ACTL9: variants seen among roughly 807,000 people sequenced by gnomAD.
The protein encoded by ACTL9 is actin like 9, also known as actin-like protein 9.
Under a neutral mutation model 0.9 loss-of-function variants are expected in ACTL9, and 1 was observed. That is an observed-to-expected ratio of 1.10 (90% CI 0.39 to 5.23). The LOEUF (loss-of-function observed/expected upper bound fraction) is 5.23, where lower values mean the gene tolerates loss of function less well. Among genes scored for constraint, ACTL9 ranks in the 30% most tolerant of loss-of-function variants. The pLI is 0.16. For missense variants in ACTL9, 597 were observed against 566.8 expected (o/e 1.05, Z -0.54); for synonymous variants, 283 against 269.5 (o/e 1.05, Z -0.49).
Position 8,698,675 on chromosome 19 carries a change from C to CG in ACTL9, c.26dup (p.Glu10GlyfsTer46), listed in dbSNP as rs2043214115. On this transcript the variant is annotated frameshift_variant, in exon 1 of 1. Coordinates refer to ENST00000324436, the MANE Select transcript of ACTL9 (RefSeq NM_178525.5). LOFTEE classifies it low-confidence loss of function (END_TRUNC). ...GGGCCTCCAGGGAGGACTGGGATTC[C>CG]GAGGACTTGGGGCGACTTGCATCCA... 6.5e-7 allele frequency: 1 copy of CG among 1,537,376 alleles called. No homozygotes were observed.
rs782649981 is a variant in ACTL9, at chr19:8,697,998, A to G, written c.704T>C (p.Met235Thr). ...CAGGGGCAGGCCGGCCTGGAGCAGC[A>G]TCTCCGCCAGGAAGGCGGTCAGGTT... The part of the protein sequence containing the change: ...GNNLTAFLAE[M>T]LLQAGLPLGQ... Residue 235 changes from methionine to threonine, a missense_variant, in exon 1 of 1, where the codon ATG becomes ACG. Transcript: ENST00000324436. This position sits in a 1 kb window ranked among gnomAD's most constrained non-coding sequence, Gnocchi z 4.3. 6.2e-7 allele frequency: 1 copy of G among 1,605,296 alleles called. No individual in the cohort carries two copies. Among genetic ancestry groups the G allele is most frequent in the South Asian group, 1.1e-5 (1 of 91,064 alleles).
chr19:8,697,761 C>T lies in ACTL9; in HGVS notation c.941G>A (p.Gly314Asp), dbSNP rs34643842. Residue 314 changes from glycine (G) to aspartate (D), a missense_variant, in exon 1 of 1, where the codon GGC becomes GAC. Coordinates refer to ENST00000324436, the MANE Select transcript of ACTL9 (RefSeq NM_178525.5). The surrounding 1 kb of genome is among the most constrained non-coding windows in gnomAD (Gnocchi z 4.3). The part of the protein sequence containing the change: ...PPEVPGLSPV[G>D]LSTMAKQSLR... ...ACTCTGCTTGGCCATGGTGGAGAGG[C>T]CGACGGGTGACAGCCCCGGGACCTC... 3.5e-5 allele frequency: 57 copies of T among 1,613,102 alleles called. No individual in the cohort carries two copies. In the African/African-American group the frequency reaches 7.5e-4, roughly 21 times the overall value.
In ACTL9 at chr19:8,697,948, C is replaced by T. The variant is rs781854741; in HGVS notation, c.754G>A (p.Glu252Lys). Residue 252 changes from glutamate to lysine, a missense_variant, in exon 1 of 1, where the codon GAG becomes AAG. Glu to Lys is a moderately conservative substitution (Grantham distance 56, BLOSUM62 1). Transcript: ENST00000324436. This position sits in a 1 kb window ranked among gnomAD's most constrained non-coding sequence, Gnocchi z 4.3. Reference protein sequence around the residue: ...PLGQQDLDLVENIKHHYCYVA... With the variant: ...PLGQQDLDLVKNIKHHYCYVA... ...TAGCAATAGTGGTGCTTAATGTTCT[C>T]CACTAGGTCCAGGTCCTGCTGTCCC... 1.9e-6 allele frequency: 3 copies of T among 1,613,162 alleles called. No homozygotes were observed. Among genetic ancestry groups the T allele is most frequent in the Admixed American group, 3.3e-5 (2 of 60,020 alleles).
chr19:8,698,481 G>C lies in ACTL9; in HGVS notation c.221C>G (p.Thr74Ser), dbSNP rs1555753494. Reference protein sequence around the residue: ...GFAGQASPTYTVATILGCQPK... With the variant: ...GFAGQASPTYSVATILGCQPK... The stretch of plus-strand genomic sequence containing the variant: ...CTGGCAGCCCAGGATGGTGGCCACG[G>C]TGTAGGTGGGGCTGGCCTGCCCAGC... The change falls in exon 1 of 1, where the codon ACC becomes AGC. Residue 74 changes from threonine (T) to serine (S), a missense_variant. Transcript: ENST00000324436. The C allele has an allele frequency of 6.4e-7, 1 of 1,565,154 alleles. No homozygotes were observed.
chr19:8,697,552 C>T lies in ACTL9; in HGVS notation c.1150G>A (p.Gly384Ser), dbSNP rs890195620. Residue 384 changes from glycine to serine, a missense_variant, in exon 1 of 1, where the codon GGC becomes AGC. Gly to Ser is a moderately conservative substitution (Grantham distance 56). Transcript: ENST00000324436. This position sits in a 1 kb window ranked among gnomAD's most constrained non-coding sequence, Gnocchi z 4.3. ...GCGCGCAGGGAGGCCAGGATGGAGC[C>T]CCCGATCCATACGGAGAAATTCCTG... ...PTRNFSVWIGGSILASLRAFQ... is the reference protein window; with the variant it reads ...PTRNFSVWIGSSILASLRAFQ... 7 of 1,613,636 alleles carry T rather than the reference C, an allele frequency of 4.3e-6. No homozygotes were observed. In the South Asian group the frequency reaches 6.6e-5, roughly 15 times the overall value.
At position 8,697,401 on chromosome 19, in the gene ACTL9, G is replaced by T. The variant is rs782638552; in HGVS notation, c.*50C>A. 1 of 1,527,502 alleles carries T rather than the reference G, an allele frequency of 6.5e-7. No individual in the cohort carries two copies. The highest frequency in any genetic ancestry group is 2.2e-5 in the Admixed American group (1 of 46,386). 94.6% of individuals were successfully genotyped at this position (1,527,502 alleles called of 1,614,324 possible). A position where few individuals can be genotyped will look rare whatever the true frequency, so the allele number is the denominator to read the frequency against. On this transcript the variant is annotated 3_prime_UTR_variant, in exon 1 of 1. Transcript: ENST00000324436. This position sits in a 1 kb window ranked among gnomAD's most constrained non-coding sequence, Gnocchi z 4.3. ...CTGGAGGAAGGACAGGACAGAGCCG[G>T]CTGTAGCAGAGGCTTTACTGCCCCC... is the stretch of plus-strand genomic sequence containing the variant.
Position 8,698,271 on chromosome 19 carries a change from T to C in ACTL9, c.431A>G (p.His144Arg), listed in dbSNP as rs782527436. 2.6e-6 allele frequency: 4 copies of C among 1,547,002 alleles called. No homozygotes were observed. The Admixed American group carries it at 7.4e-5, about 29-fold the overall frequency. ...GGGTGGGTCGGAGAACAGCAGCGGGTGGTCGTGGGTGGCCACTCGGAGGTC... is the reference window on the plus strand; with the variant it reads ...GGGTGGGTCGGAGAACAGCAGCGGGCGGTCGTGGGTGGCCACTCGGAGGTC... ...EHDLRVATHD[H>R]PLLFSDPPFS... The change falls in exon 1 of 1, where the codon CAC becomes CGC. Residue 144 changes from histidine to arginine, a missense_variant. His to Arg is a conservative substitution (Grantham distance 29). Transcript: ENST00000324436.
In ACTL9 at chr19:8,698,778, TG is replaced by T; in HGVS notation, c.-78del. ...GGAGAAGAGGTTGAGGCCCGGCCAG[TG>T]GGGAGGGCAGGCAGACAGGGGGAGG... On this transcript the variant is annotated 5_prime_UTR_variant, in exon 1 of 1. Transcript: ENST00000324436. 8.6e-7 allele frequency: 1 copy of T among 1,162,178 alleles called. No homozygotes were observed. 72.0% of individuals were successfully genotyped at this position (1,162,178 alleles called of 1,614,324 possible). A position where few individuals can be genotyped will look rare whatever the true frequency, so the allele number is the denominator to read the frequency against.
At position 8,697,565 on chromosome 19, in the gene ACTL9, G is replaced by A. The variant is rs548848075; in HGVS notation, c.1137C>T (p.Ser379=). 6.2e-7 allele frequency: 1 copy of A among 1,613,784 alleles called. No individual in the cohort carries two copies. The highest frequency in any genetic ancestry group is 2.2e-5 in the East Asian group (1 of 44,876). ...CCAGGATGGAGCCCCCGATCCATACGGAGAAATTCCTGGTGGGCTGGGCAG... is the reference window on the plus strand; with the variant it reads ...CCAGGATGGAGCCCCCGATCCATACAGAGAAATTCCTGGTGGGCTGGGCAG... ...VVAAQPTRNF[S]VWIGGSILAS... Residue 379 remains serine (S), a synonymous_variant, in exon 1 of 1, where the codon TCC becomes TCT. Coordinates refer to ENST00000324436, the MANE Select transcript of ACTL9 (RefSeq NM_178525.5). This position sits in a 1 kb window ranked among gnomAD's most constrained non-coding sequence, Gnocchi z 4.3.
In ACTL9 at chr19:8,698,693, T is replaced by C. The variant is rs1280978911; in HGVS notation, c.9A>G (p.Ala3=). The change falls in exon 1 of 1, where the codon GCA becomes GCG. Residue 3 remains alanine (A), a synonymous_variant. Coordinates refer to ENST00000324436, the MANE Select transcript of ACTL9 (RefSeq NM_178525.5). ...GGGATTCCGAGGACTTGGGGCGACTTGCATCCATGGTTGCGGGACGCCAGG... is the reference window on the plus strand; with the variant it reads ...GGGATTCCGAGGACTTGGGGCGACTCGCATCCATGGTTGCGGGACGCCAGG... MD[A]SRPKSSESQS... is the part of the protein sequence containing the mutation. 17 of 1,498,934 alleles carry C rather than the reference T, an allele frequency of 1.1e-5. No homozygotes were observed. The highest frequency in any genetic ancestry group is 1.4e-5 in the Non-Finnish European group (16 of 1,116,824). 92.9% of individuals were successfully genotyped at this position (1,498,934 alleles called of 1,614,324 possible). A position where few individuals can be genotyped will look rare whatever the true frequency, so the allele number is the denominator to read the frequency against.
chr19:8,698,455 G>T lies in ACTL9; in HGVS notation c.247C>A (p.Pro83Thr). ...TGCCCCGAGGTGGCGGGTTTCTTGG[G>T]CTGGCAGCCCAGGATGGTGGCCACG... ...YTVATILGCQ[P>T]KKPATSGQSG... Residue 83 changes from proline (P) to threonine (T), a missense_variant, in exon 1 of 1, where the codon CCC becomes ACC. Coordinates refer to ENST00000324436, the MANE Select transcript of ACTL9 (RefSeq NM_178525.5). The T allele has an allele frequency of 6.5e-7, 1 of 1,529,300 alleles. No homozygotes were observed. The highest frequency in any genetic ancestry group is 8.8e-7 in the Non-Finnish European group (1 of 1,136,824). 94.7% of individuals were successfully genotyped at this position (1,529,300 alleles called of 1,614,324 possible).
rs145866841 is a variant in ACTL9 at position 8,698,215 on chromosome 19, C to A, written c.487G>T (p.Val163Leu). ...CGCAGCGACTCGAAGGCCACCTCCA[C>A]TAGCTTCTCGCGGTTGGTGGCCGGG... The part of the protein sequence containing the change: ...FSPATNREKL[V>L]EVAFESLRSP... Residue 163 changes from valine (V) to leucine (L), a missense_variant, in exon 1 of 1, where the codon GTG (valine) becomes TTG (leucine). Val to Leu is a conservative substitution (Grantham distance 32, BLOSUM62 1). Transcript: ENST00000324436. The A allele has an allele frequency of 1.9e-6, 3 of 1,598,790 alleles. No homozygotes were observed. In the African/African-American group the frequency reaches 4.0e-5, roughly 21 times the overall value.
Position 8,698,378 on chromosome 19 carries a change from C to G in ACTL9, c.324G>C (p.Leu108=). 1.3e-6 allele frequency: 2 copies of G among 1,515,846 alleles called. No homozygotes were observed. Among genetic ancestry groups the G allele is most frequent in the Non-Finnish European group, 1.8e-6 (2 of 1,131,122 alleles). 93.9% of individuals were successfully genotyped at this position (1,515,846 alleles called of 1,614,324 possible). A position where few individuals can be genotyped will look rare whatever the true frequency, so the allele number is the denominator to read the frequency against. ...IGEAARVLPE[L]TLVQPLRSGI... ...CGCTGCGCAGGGGTTGCACCAGCGTCAGCTCTGGGAGCACGCGGGCTGCCT... is the reference window on the plus strand; with the variant it reads ...CGCTGCGCAGGGGTTGCACCAGCGTGAGCTCTGGGAGCACGCGGGCTGCCT... The change falls in exon 1 of 1, where the codon CTG becomes CTC. Residue 108 remains leucine (L), a synonymous_variant. Transcript: ENST00000324436.
At position 8,697,709 on chromosome 19, in the gene ACTL9, G is replaced by A. The variant is rs1785913708; in HGVS notation, c.993C>T (p.Arg331=). The change falls in exon 1 of 1, where the codon CGC becomes CGT. Residue 331 remains arginine (R), a synonymous_variant. Transcript: ENST00000324436. This position sits in a 1 kb window ranked among gnomAD's most constrained non-coding sequence, Gnocchi z 4.3. The part of the protein sequence containing the change: ...QSLRKLSLEM[R]ADLAQNVLLC... ...GAAGCACGTTTTGGGCCAAGTCCGCGCGCATCTCCAGTGACAACTTGCGGA... is the reference window on the plus strand; with the variant it reads ...GAAGCACGTTTTGGGCCAAGTCCGCACGCATCTCCAGTGACAACTTGCGGA... The A allele has an allele frequency of 6.2e-7, 1 of 1,613,146 alleles. No individual in the cohort carries two copies. Among genetic ancestry groups the A allele is most frequent in the South Asian group, 1.1e-5 (1 of 91,082 alleles).
upstream of ACTL9, chr19:8,698,795 CA>C: frequency 1.7e-6 from 2 of 1,200,132 alleles, no homozygotes; most frequent in Non-Finnish European, 2.2e-6. Flanking sequence ...GGCAGGCAGA[CA>C]GGGGGAGGGG....
In ACTL9 at chr19:8,698,588, G is replaced by C; in HGVS notation, c.114C>G (p.Pro38=). ...VVNKPLQRDS[P]GMVADRLPPK... Reference sequence around the variant, plus strand: ...GTGGCAGCCTGTCGGCCACCATGCCGGGGGAGTCCCGCTGCAGGGGCTTGT... The same window carrying C: ...GTGGCAGCCTGTCGGCCACCATGCCCGGGGAGTCCCGCTGCAGGGGCTTGT... Residue 38 remains proline (P), a synonymous_variant, in exon 1 of 1, where the codon CCC becomes CCG. Coordinates refer to ENST00000324436, the MANE Select transcript of ACTL9 (RefSeq NM_178525.5). 6.2e-7 allele frequency: 1 copy of C among 1,612,158 alleles called. No individual in the cohort carries two copies. Among genetic ancestry groups the C allele is most frequent in the Non-Finnish European group, 8.5e-7 (1 of 1,178,728 alleles).
chr19:8,697,808 C>A lies in ACTL9; in HGVS notation c.894G>T (p.Pro298=). The A allele has an allele frequency of 6.2e-7, 1 of 1,613,188 alleles. No individual in the cohort carries two copies. ...VTLGKELFQC[P]ELLFNPPEVP... Reference sequence around the variant, plus strand: ...CCTCTGGGGGGTTGAACAGCAGCTCCGGACACTGGAACAGCTCCTTGCCCA... The same window carrying A: ...CCTCTGGGGGGTTGAACAGCAGCTCAGGACACTGGAACAGCTCCTTGCCCA... The change falls in exon 1 of 1, where the codon CCG becomes CCT. Residue 298 remains proline, a synonymous_variant. Transcript: ENST00000324436. This position sits in a 1 kb window ranked among gnomAD's most constrained non-coding sequence, Gnocchi z 4.3.
Position 8,698,347 on chromosome 19 carries a change from C to G in ACTL9, c.355G>C (p.Val119Leu), listed in dbSNP as rs782204010. The G allele has an allele frequency of 1.8e-5, 28 of 1,520,456 alleles. No individual in the cohort carries two copies. Among genetic ancestry groups the G allele is most frequent in the Non-Finnish European group, 2.3e-5 (26 of 1,133,674 alleles). 94.2% of individuals were successfully genotyped at this position (1,520,456 alleles called of 1,614,324 possible). ...AGCTCGGCGGCATCCCAGTCCACGA[C>G]GATGCCGCTGCGCAGGGGTTGCACC... Reference protein sequence around the residue: ...TLVQPLRSGIVVDWDAAELIW... With the variant: ...TLVQPLRSGILVDWDAAELIW... The change falls in exon 1 of 1, where the codon GTC becomes CTC. Residue 119 changes from valine (V) to leucine (L), a missense_variant. Physicochemically the swap from Val to Leu is conservative, Grantham distance 32. Transcript: ENST00000324436.
Position 8,698,328 on chromosome 19 carries a change from G to C in ACTL9, c.374C>G (p.Ala125Gly). 6.5e-7 allele frequency: 1 copy of C among 1,527,642 alleles called. No individual in the cohort carries two copies. Among genetic ancestry groups the C allele is most frequent in the African/African-American group, 1.4e-5 (1 of 72,640 alleles). 94.6% of individuals were successfully genotyped at this position (1,527,642 alleles called of 1,614,324 possible). A position where few individuals can be genotyped will look rare whatever the true frequency, so the allele number is the denominator to read the frequency against. The part of the protein sequence containing the change: ...RSGIVVDWDA[A>G]ELIWRHLLEH... ...CAGCAGGTGGCGCCAGATGAGCTCG[G>C]CGGCATCCCAGTCCACGACGATGCC... is the stretch of plus-strand genomic sequence containing the variant. Residue 125 changes from alanine (A) to glycine (G), a missense_variant, in exon 1 of 1, where the codon GCC (alanine) becomes GGC (glycine). Ala to Gly is a moderately conservative substitution (Grantham distance 60). Transcript: ENST00000324436.
Sources: gnomAD v4.1 joint callset for allele counts on GRCh38, gnomAD v4.1.1 for gene constraint, Gnocchi (gnomAD v3.1) non-coding constraint, MANE v1.5 for transcripts, NCBI Gene and HGNC (gene_info 2026-07-23, HGNC 2026-07-21) for gene names.